Variants in FBRSL1 observed in about 807,000 individuals in gnomAD.
The protein encoded by FBRSL1 is fibrosin-1-like protein.
In FBRSL1, 51 loss-of-function variants were observed where a neutral mutation model predicts 89.6. The ratio of observed to expected loss-of-function variants is 0.57; its 90% CI spans 0.45 to 0.72. The LOEUF (loss-of-function observed/expected upper bound fraction) is 0.72. Ranked by LOEUF, FBRSL1 falls within the 30% of genes least tolerant of loss-of-function variation. The pLI, the probability that FBRSL1 is intolerant of heterozygous loss-of-function variation, is 0.00. For missense variants in FBRSL1, 1,618 were observed against 1,451.8 expected (o/e 1.11, Z -1.86); for synonymous variants, 779 against 681.1 (o/e 1.14, Z -2.24).
rs1202600696 is a variant in FBRSL1, at chr12:132,490,692, GC to G, written c.126del (p.Gly43AlafsTer60). On this transcript the variant is annotated frameshift_variant, in exon 1 of 19. Coordinates refer to ENST00000680143, the MANE Select transcript of FBRSL1 (RefSeq NM_001367871.1). The part of the protein sequence containing the change: ...SPSSGDEPEP[S>X]PGKENAGLRG... ...TCGTCGGGCGACGAGCCCGAGCCCA[GC>G]CCCGGCAAGGAGAACGCGGGCCTCC... 2.0e-6 allele frequency: 2 copies of G among 997,820 alleles called. No individual in the cohort carries two copies. Among genetic ancestry groups the G allele is most frequent in the Non-Finnish European group, 1.2e-6 (1 of 835,158 alleles). The allele number at this position is 997,820 out of a possible 1,614,324, so 61.8% of individuals were successfully genotyped here.
intron 5 of FBRSL1, among the ~76,000 whole-genome samples, chr12:132,566,782 G>A (rs1047180027): frequency 6.6e-6 from 1 of 152,182 alleles, no homozygotes; most frequent in African/African-American, 2.4e-5. Context: ...ACATAGCGCG[G>A]TGTCCTGTGG....
At chr12:132,554,377 G>C (rs1220632048) in intron 5 of FBRSL1, 1 of 152,238 alleles carries the variant, frequency 6.6e-6, no homozygotes, top group African/African-American at 2.4e-5. Context: ...GCAGAAACTG[G>C]GGTCTGAAAA....
chr12:132,498,217 G>A (rs1486030078), intron 1 of FBRSL1, among the ~76,000 whole-genome samples: 6 of 152,104 alleles, frequency 3.9e-5, no homozygotes, highest in Non-Finnish European at 7.4e-5. Context: ...GTCTCTCTCC[G>A]GGCCCCTCGC....
At position 132,527,940 on chromosome 12, in the gene FBRSL1, T is replaced by C. The variant is rs1356906027; in HGVS notation, c.580-13T>C. On this transcript the variant is annotated splice_polypyrimidine_tract_variant and intron_variant, in intron 3 of 18. Coordinates refer to ENST00000680143, the MANE Select transcript of FBRSL1 (RefSeq NM_001367871.1). ...TGGCAGCCTCACTGACTGTCCCCTC[T>C]TCCTTCCTGCAGAGCTCTGCGCATG... 1 of 1,551,172 alleles carries C rather than the reference T, an allele frequency of 6.4e-7. No individual in the cohort carries two copies. The highest frequency in any genetic ancestry group is 1.2e-5 in the South Asian group (1 of 84,036).
chr12:132,559,981 C>G (rs1441752783), intron 5 of FBRSL1: 1 of 147,676 alleles, frequency 6.8e-6, no homozygotes, highest in African/African-American at 2.4e-5. Flanking sequence ...TCCGCGCCCG[C>G]CGCCTCGGGG....
rs910730354 is a variant in FBRSL1 at position 132,570,419 on chromosome 12, C to T, written c.1092C>T (p.His364=). 16 of 1,535,072 alleles carry T rather than the reference C, an allele frequency of 1.0e-5. No individual in the cohort carries two copies. Among genetic ancestry groups the T allele is most frequent in the East Asian group, 2.4e-5 (1 of 40,822 alleles). Residue 364 remains histidine (H), a synonymous_variant, in exon 8 of 19, where the codon CAC becomes CAT. Coordinates refer to ENST00000680143, the MANE Select transcript of FBRSL1 (RefSeq NM_001367871.1). ...CGGGCCCCCACCTGTCTACCTCACA[C>T]CTGGCGCTCCGGTCCCAGGCGCAGC... The part of the protein sequence containing the change: ...HGPGPHLSTS[H]LALRSQAQHQ...
chr12:132,548,500 T>G (rs1215962688), intron 5 of FBRSL1, among the ~76,000 whole-genome samples: 2 of 152,160 alleles, frequency 1.3e-5, no homozygotes, highest in Non-Finnish European at 1.5e-5. Flanking sequence ...ACAGTCACCC[T>G]CAGTGCTCAG....
chr12:132,569,997 G>C lies in FBRSL1; in HGVS notation c.763G>C (p.Glu255Gln). Residue 255 changes from glutamate to glutamine, a missense_variant, in exon 7 of 19, where the codon GAG becomes CAG. Glu to Gln is a conservative substitution (Grantham distance 29, BLOSUM62 2). Coordinates refer to ENST00000680143, the MANE Select transcript of FBRSL1 (RefSeq NM_001367871.1). ...GGTGTCAGGCCTGGAGCGCAGCCGC[G>C]AGCTCAGCGCCGAGAGCTTCCTGCC... ...PKVSGLERSR[E>Q]LSAESFLPTA... 6.7e-7 allele frequency: 1 copy of C among 1,503,108 alleles called. No individual in the cohort carries two copies. The highest frequency in any genetic ancestry group is 8.8e-7 in the Non-Finnish European group (1 of 1,133,040). 93.1% of individuals were successfully genotyped at this position (1,503,108 alleles called of 1,614,324 possible). A position where few individuals can be genotyped will look rare whatever the true frequency, so the allele number is the denominator to read the frequency against.
chr12:132,564,652 C>A (rs35336325), intron 5 of FBRSL1, among the ~76,000 whole-genome samples: 1 of 102,122 alleles, frequency 9.8e-6, no homozygotes, highest in Non-Finnish European at 1.8e-5. Flanking sequence ...CCCGCCACCA[C>A]GCCCGGCTAA....
chr12:132,567,645 C>G, intron 6 of FBRSL1, 119 bp downstream of exon 6: 1 of 1,072,074 alleles, frequency 9.3e-7, no homozygotes, highest in Non-Finnish European at 1.4e-6. Context: ...ACCTGGGGTG[C>G]AGAGCTGGGT....
intron 2 of FBRSL1, chr12:132,510,612 A>G (rs1234946034): frequency 4.1e-5 from 51 of 1,230,568 alleles, no homozygotes; most frequent in Non-Finnish European, 4.9e-5. Context: ...GTCGTTGGAA[A>G]TTGAGGCTCG....
chr12:132,518,668 A>G (rs1255084145), intron 2 of FBRSL1, among the ~76,000 whole-genome samples: 5 of 149,044 alleles, frequency 3.4e-5, no homozygotes, highest in Admixed American at 3.3e-4. Context: ...GCATCCATCC[A>G]TCCACCCATC....
chr12:132,508,128 C>G, intron 1 of FBRSL1, 25 bp from the exon 2 acceptor site: 2 of 1,550,172 alleles, frequency 1.3e-6, no homozygotes, highest in Admixed American at 2.0e-5. Flanking sequence ...CGCCAATTAA[C>G]TGGCGTTTCC....
Position 132,490,239 on chromosome 12 carries a change from C to A in FBRSL1, c.-332C>A. 1 of 144,802 alleles carries A rather than the reference C, an allele frequency of 6.9e-6. No individual in the cohort carries two copies. Among genetic ancestry groups the A allele is most frequent in the South Asian group, 1.9e-4 (1 of 5,358 alleles). 9.0% of individuals were successfully genotyped at this position (144,802 alleles called of 1,614,324 possible). ...CGCCTCCCGCCTGCCGCCTGCCGCG[C>A]CCGCCCGGCCCCGCCCGCTCGGCCC... On this transcript the variant is annotated 5_prime_UTR_variant, in exon 1 of 19. Transcript: ENST00000680143.
chr12:132,583,674 C>A lies in FBRSL1; in HGVS notation c.2905C>A (p.Pro969Thr), dbSNP rs1026675657. The part of the protein sequence containing the change: ...LVTAAGPPTP[P>T]GPPRSRTTPL... ...GACGGCGGCCGGGCCCCCCACGCCC[C>A]CCGGGCCGCCGCGGAGCCGGACTAC... is the stretch of plus-strand genomic sequence containing the variant. Residue 969 changes from proline to threonine, a missense_variant, in exon 19 of 19, where the codon CCC (proline) becomes ACC (threonine). By Grantham distance (38) the Pro-to-Thr change is conservative (BLOSUM62 -1). Transcript: ENST00000680143. 2 of 1,118,940 alleles carry A rather than the reference C, an allele frequency of 1.8e-6. No homozygotes were observed. The highest frequency in any genetic ancestry group is 2.2e-6 in the Non-Finnish European group (2 of 915,280). The allele number at this position is 1,118,940 out of a possible 1,614,324, so 69.3% of individuals were successfully genotyped here.
At position 132,582,244 on chromosome 12, in the gene FBRSL1, A is replaced by G. The variant is rs2040810255; in HGVS notation, c.2179A>G (p.Asn727Asp). Residue 727 changes from asparagine (N) to aspartate (D), a missense_variant, in exon 18 of 19, where the codon AAT becomes GAT. Transcript: ENST00000680143. ...GACCAACCATGACCGAGAGCCGGAC[A>G]ATGGCAAGGAGGAGCAGGAACGGTG... ...ALTNHDREPD[N>D]GKEEQERDLL... is the part of the protein sequence containing the mutation. 6.5e-7 allele frequency: 1 copy of G among 1,549,946 alleles called. No individual in the cohort carries two copies. Among genetic ancestry groups the G allele is most frequent in the Non-Finnish European group, 8.7e-7 (1 of 1,146,734 alleles).
chr12:132,504,757 CTG>C (rs927982545), intron 1 of FBRSL1, among the ~76,000 whole-genome samples: 15 of 152,210 alleles, frequency 9.9e-5, no homozygotes, highest in African/African-American at 3.4e-4. Flanking sequence ...CCAGGCCTCT[CTG>C]TGTCTCTTGT....
chr12:132,501,168 C>G (rs906895637), intron 1 of FBRSL1, among the ~76,000 whole-genome samples: 1 of 152,190 alleles, frequency 6.6e-6, no homozygotes, highest in Admixed American at 6.5e-5. Flanking sequence ...GCCCTGAGGT[C>G]AGAAGTGGGT....
intron 11 of FBRSL1, among the ~76,000 whole-genome samples, chr12:132,573,372 A>C (rs972763151): frequency 8.5e-5 from 13 of 152,296 alleles, no homozygotes; most frequent in Non-Finnish European, 1.6e-4. Context: ...GTGGACGGGC[A>C]GATAGTGCTT....
Sources: gnomAD v4.1 joint callset for allele counts (sites outside exome capture counted in the v4.1 genomes callset) on GRCh38, gnomAD v4.1.1 for gene constraint, MANE v1.5 for transcripts, NCBI Gene and HGNC (gene_info 2026-07-23, HGNC 2026-07-21) for gene names.